Variants in SIPA1L1 observed in about 807,000 individuals in gnomAD.
SIPA1L1 encodes the protein signal induced proliferation associated 1 like 1, also known as signal-induced proliferation-associated 1-like protein 1.
Under a neutral mutation model 162.7 loss-of-function variants are expected in SIPA1L1, and 26 were observed. That is an observed-to-expected ratio of 0.16 (90% CI 0.12 to 0.22). The LOEUF is 0.22. Among genes scored for constraint, SIPA1L1 ranks in the 10% least tolerant of loss-of-function variants. SIPA1L1 has a pLI of 1.00. For synonymous variants in SIPA1L1, 829 were observed against 837.4 expected (o/e 0.99, Z 0.17); for missense variants, 1,874 against 2,241.0 (o/e 0.84, Z 3.31).
At chr14:71,526,848 T>C (rs1217269725) in intron 3 of SIPA1L1, among the ~76,000 whole-genome samples, 1 of 152,232 alleles carries the variant, frequency 6.6e-6, no homozygotes, top group Non-Finnish European at 1.5e-5. Flanking sequence ...ATAGGATTTA[T>C]GTTTGCACAT....
chr14:71,448,302 A>G (rs1383607856), intron 2 of SIPA1L1, among the ~76,000 whole-genome samples: 1 of 152,144 alleles, frequency 6.6e-6, no homozygotes, highest in African/African-American at 2.4e-5. Context: ...TTATTGATCA[A>G]TCAGTTGCCA....
chr14:71,347,958 T>A (rs1266606345), intron 2 of SIPA1L1, among the ~76,000 whole-genome samples: 2 of 152,158 alleles, frequency 1.3e-5, no homozygotes, highest in African/African-American at 4.8e-5. Context: ...GGCCAGACTT[T>A]AAGTGGAATA....
intron 2 of SIPA1L1, among the ~76,000 whole-genome samples, chr14:71,351,150 C>T (rs1431662025): frequency 6.6e-6 from 1 of 152,100 alleles, no homozygotes; most frequent in Admixed American, 6.5e-5. Context: ...GGCAGAAATG[C>T]TACTCTTTAG....
chr14:71,358,123 A>C (rs1594986050), intron 2 of SIPA1L1, among the ~76,000 whole-genome samples: 1 of 152,066 alleles, frequency 6.6e-6, no homozygotes, highest in Admixed American at 6.5e-5. Flanking sequence ...GGACCTCCCA[A>C]AGTGCTGGGA....
At chr14:71,501,759 A>G (rs1212873800) in intron 2 of SIPA1L1, among the ~76,000 whole-genome samples, 1 of 152,172 alleles carries the variant, frequency 6.6e-6, no homozygotes, top group Non-Finnish European at 1.5e-5. Context: ...CAGTGGCCTC[A>G]TGCCTGTAAT....
At position 71,671,169 on chromosome 14, in the gene SIPA1L1, C is replaced by T; in HGVS notation, c.2306C>T (p.Pro769Leu). The T allele has an allele frequency of 6.2e-7, 1 of 1,613,816 alleles. No individual in the cohort carries two copies. The highest frequency in any genetic ancestry group is 8.5e-7 in the Non-Finnish European group (1 of 1,179,776). ...RDVPSFGPPI[P>L]KGVTFPKSNV... ...GTGCCTTCCTTTGGGCCTCCCATTC[C>T]TAAAGGGGTCACTTTCCCTAAGTCA... is the stretch of plus-strand genomic sequence containing the variant. The change falls in exon 11 of 24, where the codon CCT becomes CTT. Residue 769 changes from proline (P) to leucine (L), a missense_variant. Around this residue, in one of 5 missense-constraint regions of SIPA1L1, gnomAD observed 243 missense variants for 315.0 expected, o/e 0.77. Coordinates refer to ENST00000381232, the MANE Select transcript of SIPA1L1 (RefSeq NM_001386936.1).
intron 2 of SIPA1L1, among the ~76,000 whole-genome samples, chr14:71,490,503 AAAG>A (rs554452686): frequency 2.0e-5 from 3 of 152,208 alleles, no homozygotes; most frequent in Non-Finnish European, 4.4e-5. Context: ...TATTTTTAAA[AAAG>A]AAAATGTGGG....
chr14:71,339,591 G>A (rs1304759707), intron 2 of SIPA1L1, among the ~76,000 whole-genome samples: 1 of 151,830 alleles, frequency 6.6e-6, no homozygotes, highest in Non-Finnish European at 1.5e-5. Flanking sequence ...CTTAAACTCC[G>A]GACCTCAGGT....
intron 7 of SIPA1L1, among the ~76,000 whole-genome samples, chr14:71,642,610 A>T (rs1271571741): frequency 6.6e-6 from 1 of 152,222 alleles, no homozygotes; most frequent in African/African-American, 2.4e-5. Context: ...AGTCAAAAAT[A>T]CTTTATAGGA....
intron 2 of SIPA1L1, among the ~76,000 whole-genome samples, chr14:71,481,172 G>A (rs1008132444): frequency 2.6e-5 from 4 of 152,068 alleles, no homozygotes; most frequent in African/African-American, 9.7e-5. Flanking sequence ...AAGTTCAGGC[G>A]AATTAGAGAA....
At chr14:71,606,397 A>T (rs1596379233) in intron 5 of SIPA1L1, among the ~76,000 whole-genome samples, 2 of 151,838 alleles carry the variant, frequency 1.3e-5, no homozygotes, top group Admixed American at 6.6e-5. Context: ...CATATAGGGG[A>T]TGTTGGTGGG....
chr14:71,662,338 C>T (rs1306202257), intron 10 of SIPA1L1, among the ~76,000 whole-genome samples: 1 of 152,212 alleles, frequency 6.6e-6, no homozygotes, highest in Non-Finnish European at 1.5e-5. Flanking sequence ...TTATGTTGGT[C>T]TCCTGCTGGC....
At chr14:71,334,250 G>GA (rs5809519) in intron 2 of SIPA1L1, among the ~76,000 whole-genome samples, 45,588 of 151,154 alleles carry the variant, frequency 0.3, 7,465 homozygotes, top group East Asian at 0.69. Context: ...GATCAAATGA[G>GA]AAAAAAAAAG....
intron 2 of SIPA1L1, among the ~76,000 whole-genome samples, chr14:71,324,012 C>T (rs1311900288): frequency 1.3e-5 from 2 of 152,156 alleles, no homozygotes; most frequent in Admixed American, 6.5e-5. Flanking sequence ...GTTTCAAATA[C>T]CTGCCCTGCC....
chr14:71,573,115 T>C (rs1374397767), intron 4 of SIPA1L1, among the ~76,000 whole-genome samples: 1 of 152,232 alleles, frequency 6.6e-6, no homozygotes, highest in Non-Finnish European at 1.5e-5. Context: ...GTGGCTGTTC[T>C]TGGGACTGAA....
intron 5 of SIPA1L1, among the ~76,000 whole-genome samples, chr14:71,609,759 G>A (rs1367370214): frequency 6.6e-6 from 1 of 151,926 alleles, no homozygotes; most frequent in Non-Finnish European, 1.5e-5. Flanking sequence ...GAGCCACCGC[G>A]CCTGGCCAAT....
chr14:71,521,953 C>T (rs138152660), intron 3 of SIPA1L1, among the ~76,000 whole-genome samples: 210 of 152,214 alleles, frequency 1.4e-3, no homozygotes, highest in Non-Finnish European at 2.5e-3. Flanking sequence ...TGTGTGGTAT[C>T]GCCATTCATC....
intron 2 of SIPA1L1, among the ~76,000 whole-genome samples, chr14:71,452,923 G>C (rs1047217280): frequency 9.2e-5 from 14 of 152,244 alleles, no homozygotes; most frequent in African/African-American, 3.1e-4. Flanking sequence ...CTGGTGTTCA[G>C]GATATACTGT....
chr14:71,356,567 C>CAAAAACAAAAAAAAAA (rs2037267784), intron 2 of SIPA1L1, among the ~76,000 whole-genome samples: 1 of 39,172 alleles, frequency 2.6e-5, no homozygotes, highest in Non-Finnish European at 4.3e-5. Context: ...CTTGTCTCTA[C>CAAAAACAAAAAAAAAA]AAAAAAAAAA....
Sources: gnomAD v4.1 joint callset for allele counts (sites outside exome capture counted in the v4.1 genomes callset) on GRCh38, gnomAD v4.1.1 for gene constraint, gnomAD v4.1.1 regional missense constraint, MANE v1.5 for transcripts, NCBI Gene and HGNC (gene_info 2026-07-23, HGNC 2026-07-21) for gene names.